The following SBF2 variants were observed in gnomAD, a reference collection of about 807,000 sequenced individuals.
SBF2 encodes the protein SET binding factor 2.
A neutral mutation model predicts 225.2 loss-of-function variants in SBF2; 112 were observed. The ratio of observed to expected loss-of-function variants is 0.50; its 90% CI spans 0.43 to 0.58. SBF2 has a LOEUF of 0.58. Ranked by LOEUF, SBF2 falls within the 20% of genes least tolerant of loss-of-function variation. The pLI is 0.00. For missense variants in SBF2, 1,996 were observed against 2,206.2 expected, an observed-to-expected ratio of 0.90 and a Z score of 1.91; for synonymous variants, 763 against 773.3, an observed-to-expected ratio of 0.99 and a Z score of 0.22.
intron 16 of SBF2, chr11:9,959,216 T>C: frequency 1.3e-6 from 1 of 778,074 alleles, no homozygotes; most frequent in Non-Finnish European, 2.4e-6. Flanking sequence ...TGGGCAGGCA[T>C]GACCTCAGCA....
At chr11:10,213,641 T>C (rs1958021291) in intron 1 of SBF2, among the ~76,000 whole-genome samples, 1 of 152,232 alleles carries the variant, frequency 6.6e-6, no homozygotes. Flanking sequence ...ACTCTCGCTA[T>C]TGGTCTAGAG....
At chr11:10,066,015 C>A (rs1463751177) in intron 2 of SBF2, among the ~76,000 whole-genome samples, 1 of 151,970 alleles carries the variant, frequency 6.6e-6, no homozygotes, top group Admixed American at 6.6e-5. Context: ...AAGACATAAC[C>A]TGAATAACCC....
At chr11:10,073,974 T>C (rs984585535) in intron 2 of SBF2, among the ~76,000 whole-genome samples, 2 of 152,218 alleles carry the variant, frequency 1.3e-5, no homozygotes, top group Non-Finnish European at 2.9e-5. Flanking sequence ...CTCTAATATT[T>C]ATGAACAAAG....
chr11:9,943,531 A>AG (rs995307948), intron 16 of SBF2, among the ~76,000 whole-genome samples: 3 of 152,186 alleles, frequency 2.0e-5, no homozygotes, highest in Admixed American at 2.0e-4. Flanking sequence ...TAAATCAATG[A>AG]GAAAAAAAAG....
intron 2 of SBF2, among the ~76,000 whole-genome samples, chr11:10,155,928 C>G (rs906344096): frequency 6.6e-6 from 1 of 152,236 alleles, no homozygotes; most frequent in Admixed American, 6.5e-5. Flanking sequence ...CAGCTGCAGT[C>G]AGGGACGTGT....
At chr11:10,132,450 G>A (rs1265009695) in intron 2 of SBF2, among the ~76,000 whole-genome samples, 1 of 149,910 alleles carries the variant, frequency 6.7e-6, no homozygotes, top group African/African-American at 2.5e-5. Context: ...AGATGTGTTT[G>A]GAGTTTCTTC....
Position 9,856,392 on chromosome 11 carries a change from A to G in SBF2, c.2363+66T>C, listed in dbSNP as rs1857314755. The G allele has an allele frequency of 2.5e-6, 4 of 1,596,160 alleles. No homozygotes were observed. The South Asian group carries it at 4.4e-5, about 18-fold the overall frequency. On this transcript the variant is annotated intron_variant, in intron 19 of 39. Coordinates refer to ENST00000256190, the MANE Select transcript of SBF2 (RefSeq NM_030962.4). Reference sequence around the variant, plus strand: ...GTATTTGCTCAAAATGTTTAATATTATCTGTCAAGCCAAGACTGGCCCCAA... The same window carrying G: ...GTATTTGCTCAAAATGTTTAATATTGTCTGTCAAGCCAAGACTGGCCCCAA...
At chr11:10,036,374 C>T (rs1458840369) in intron 3 of SBF2, among the ~76,000 whole-genome samples, 1 of 151,992 alleles carries the variant, frequency 6.6e-6, no homozygotes, top group Non-Finnish European at 1.5e-5. Flanking sequence ...AACAAAACTG[C>T]ATGTTCTGCA....
chr11:10,286,383 C>T (rs1271628356), intron 1 of SBF2, among the ~76,000 whole-genome samples: 4 of 144,848 alleles, frequency 2.8e-5, no homozygotes, highest in Non-Finnish European at 4.5e-5. Context: ...CTTGCTCTGT[C>T]GCCAGGCTGT....
intron 2 of SBF2, among the ~76,000 whole-genome samples, chr11:10,092,942 A>G (rs1038256100): frequency 6.7e-6 from 1 of 149,902 alleles, no homozygotes; most frequent in African/African-American, 2.4e-5. Flanking sequence ...GCCTTTTAGG[A>G]AAAAAAAAAT....
chr11:10,232,561 ATT>A (rs5789629), intron 1 of SBF2, among the ~76,000 whole-genome samples: 47 of 141,316 alleles, frequency 3.3e-4, no homozygotes, highest in Admixed American at 5.7e-4. Flanking sequence ...TTTTGTCTTA[ATT>A]TTTTTTTTTT....
chr11:9,993,173 G>A, intron 10 of SBF2, 70 bp from the exon 11 acceptor site: 1 of 1,120,428 alleles, frequency 8.9e-7, no homozygotes, highest in Non-Finnish European at 1.3e-6. Flanking sequence ...AGTCAAAAAG[G>A]TGAAAAGGGC....
chr11:10,289,719 G>A (rs1964042134), intron 1 of SBF2, among the ~76,000 whole-genome samples: 1 of 152,136 alleles, frequency 6.6e-6, no homozygotes, highest in Non-Finnish European at 1.5e-5. Flanking sequence ...CGGCAGGGTG[G>A]GTGTGGTGAC....
intron 26 of SBF2, chr11:9,838,016 G>T (rs6483750): frequency 6.7e-6 from 1 of 150,114 alleles, no homozygotes; most frequent in African/African-American, 2.4e-5. Flanking sequence ...GATTACAGGC[G>T]TGAGCCACTG....
At chr11:10,236,449 C>A (rs896977911) in intron 1 of SBF2, among the ~76,000 whole-genome samples, 1 of 152,018 alleles carries the variant, frequency 6.6e-6, no homozygotes, top group African/African-American at 2.4e-5. Context: ...GACAACAGAG[C>A]GAGTCCGTCT....
intron 16 of SBF2, among the ~76,000 whole-genome samples, chr11:9,956,039 CTT>C (rs1279913565): frequency 1.3e-5 from 2 of 151,166 alleles, no homozygotes; most frequent in African/African-American, 4.9e-5. Flanking sequence ...GCTGAATTGT[CTT>C]TTTATTTTTG....
At chr11:10,056,040 G>C (rs537795045) in intron 2 of SBF2, among the ~76,000 whole-genome samples, 12 of 152,204 alleles carry the variant, frequency 7.9e-5, no homozygotes, top group Admixed American at 7.8e-4. Context: ...AAACAAAACA[G>C]AAAAAATACC....
intron 17 of SBF2, among the ~76,000 whole-genome samples, chr11:9,870,390 T>G (rs1858624823): frequency 6.6e-6 from 1 of 152,156 alleles, no homozygotes; most frequent in African/African-American, 2.4e-5. Flanking sequence ...AGAGCCTGAA[T>G]AGCTAAGATG....
chr11:10,189,585 CAGA>C (rs144536287), intron 2 of SBF2, among the ~76,000 whole-genome samples: 8,050 of 152,254 alleles, frequency 0.053, 290 homozygotes, highest in Middle Eastern at 0.14. Flanking sequence ...TCTACATTTA[CAGA>C]AGACTGAATT....
Sources: allele counts gnomAD v4.1 joint callset (sites outside exome capture counted in the v4.1 genomes callset), GRCh38; gene constraint gnomAD v4.1.1; transcripts MANE v1.5; gene names NCBI Gene and HGNC (gene_info 2026-07-23, HGNC 2026-07-21).